The following ARAP3 variants were observed in gnomAD, a reference collection of about 807,000 sequenced individuals.
ARAP3 encodes arf-GAP with Rho-GAP domain, ANK repeat and PH domain-containing protein 3.
Under a neutral mutation model 169.2 loss-of-function variants are expected in ARAP3, and 82 were observed. The ratio of observed to expected loss-of-function variants is 0.48; its 90% CI spans 0.41 to 0.58. The LOEUF (loss-of-function observed/expected upper bound fraction) is 0.58, where lower values mean the gene tolerates loss of function less well. Among genes scored for constraint, ARAP3 ranks in the 20% least tolerant of loss-of-function variants. ARAP3 has a pLI of 0.00. For missense variants in ARAP3, 1,764 were observed against 2,018.0 expected (o/e 0.87, Z 2.41); for synonymous variants, 791 against 800.3 (o/e 0.99, Z 0.20).
Position 141,661,763 on chromosome 5 carries a change from C to A in ARAP3, c.3040G>T (p.Glu1014Ter). 1 of 1,614,206 alleles carries A rather than the reference C, an allele frequency of 6.2e-7. No homozygotes were observed. Among genetic ancestry groups the A allele is most frequent in the Non-Finnish European group, 8.5e-7 (1 of 1,180,042 alleles). ...CAGCCAATCACATCTTTATATTTCT[C>A]CAGGCGCTGATTCTTCTGGGGCAGC... ...AELPQKNQRL[E>*]KYKDVIGCLP... Residue 1014 changes from glutamate to a stop codon, truncating the protein, a stop_gained, in exon 21 of 33, where the codon GAG becomes TAG. Transcript: ENST00000239440. LOFTEE classifies it high-confidence loss of function.
chr5:141,670,078 G>T lies in ARAP3; in HGVS notation c.2108-15C>A, dbSNP rs1048208900. The T allele has an allele frequency of 1.9e-6, 3 of 1,582,894 alleles. No individual in the cohort carries two copies. Among genetic ancestry groups the T allele is most frequent in the Non-Finnish European group, 2.6e-6 (3 of 1,172,320 alleles). On this transcript the variant is annotated splice_polypyrimidine_tract_variant and intron_variant, in intron 14 of 32. Coordinates refer to ENST00000239440, the MANE Select transcript of ARAP3 (RefSeq NM_022481.6). Reference sequence around the variant, plus strand: ...GCGCGGGGGAGCTAAGGCAGAGGGAGATAGTCAGGGAGCAGCAGACCTCTG... The same window carrying T: ...GCGCGGGGGAGCTAAGGCAGAGGGATATAGTCAGGGAGCAGCAGACCTCTG...
In ARAP3 at chr5:141,655,683, G is replaced by A. The variant is rs2099909183; in HGVS notation, c.4048C>T (p.Pro1350Ser). 6.2e-7 allele frequency: 1 copy of A among 1,614,090 alleles called. No individual in the cohort carries two copies. Residue 1350 changes from proline to serine, a missense_variant, in exon 31 of 33, where the codon CCT (proline) becomes TCT (serine). Transcript: ENST00000239440. ...TCATCCCCACGGATAGGCAGCAAAG[G>A]CATAGTGCCAAACTTCTGACGGGCA... is the stretch of plus-strand genomic sequence containing the variant. ...DLARQKFGTM[P>S]LLPIRGDDSG...
At chr5:141,681,133 T>TTTG (rs1262997369) in intron 1 of ARAP3, among the ~76,000 whole-genome samples, 37 of 152,294 alleles carry the variant, frequency 2.4e-4, no homozygotes, top group Middle Eastern at 3.4e-3. Context: ...TCCTGCCTGC[T>TTTG]TTGGTCAGGC....
rs2099909216 is a variant in ARAP3 at position 141,655,952 on chromosome 5, A to G, written c.3909-20T>C. ...AAGTAGCTGGGGTGATCAGAATGGA[A>G]TCAGAGGGAGAGAGAGGGTCACAGC... On this transcript the variant is annotated intron_variant, in intron 29 of 32. Transcript: ENST00000239440. The G allele has an allele frequency of 6.2e-7, 1 of 1,613,950 alleles. No individual in the cohort carries two copies. The highest frequency in any genetic ancestry group is 2.2e-5 in the East Asian group (1 of 44,884).
At chr5:141,669,628 T>C in intron 16 of ARAP3, 81 bp downstream of exon 16, 1 of 1,331,688 alleles carries the variant, frequency 7.5e-7, no homozygotes, top group Non-Finnish European at 1.1e-6. Flanking sequence ...GAAGTGGCTG[T>C]AGGAATAAGA....
chr5:141,655,346 C>T lies in ARAP3; in HGVS notation c.4149+16G>A. The T allele has an allele frequency of 1.3e-6, 2 of 1,572,538 alleles. No homozygotes were observed. Among genetic ancestry groups the T allele is most frequent in the Non-Finnish European group, 1.7e-6 (2 of 1,158,542 alleles). On this transcript the variant is annotated intron_variant, in intron 32 of 32. Transcript: ENST00000239440. Reference sequence around the variant, plus strand: ...AGGGTTGACAGGCACACCGCTGGAGCAGGCACAATACTCACAAAGAACATG... The same window carrying T: ...AGGGTTGACAGGCACACCGCTGGAGTAGGCACAATACTCACAAAGAACATG...
intron 15 of ARAP3, 23 bp downstream of exon 15, chr5:141,669,899 A>G (rs751605685): frequency 3.1e-6 from 5 of 1,607,866 alleles, no homozygotes; most frequent in Non-Finnish European, 4.3e-6. Context: ...GGGGAAGCTC[A>G]GTGGTCACAG....
intron 25 of ARAP3, 80 bp downstream of exon 25, chr5:141,658,282 CATG>C: frequency 2.2e-6 from 3 of 1,361,828 alleles, no homozygotes; most frequent in Non-Finnish European, 3.1e-6. Context: ...TATTTGGTAA[CATG>C]AAGTCACTGA....
intron 32 of ARAP3, 102 bp downstream of exon 32, chr5:141,655,252 ACACACACC>A (rs1289253982): frequency 2.7e-5 from 32 of 1,170,628 alleles, no homozygotes; most frequent in African/African-American, 2.2e-4. Flanking sequence ...ACACACACAC[ACACACACC>A]CCCTGATGGC....
At chr5:141,670,085 A>T in intron 14 of ARAP3, 22 bp from the exon 15 acceptor site, 2 of 1,581,608 alleles carry the variant, frequency 1.3e-6, no homozygotes, top group Non-Finnish European at 1.7e-6. Context: ...GGAGATAGTC[A>T]GGGAGCAGCA....
intron 16 of ARAP3, 109 bp from the exon 17 acceptor site, chr5:141,666,752 G>T: frequency 2.0e-6 from 1 of 503,504 alleles, no homozygotes; most frequent in South Asian, 5.7e-5. Flanking sequence ...AAAACATGAA[G>T]AGAAAGCAGA....
intron 32 of ARAP3, among the ~76,000 whole-genome samples, 166 bp downstream of exon 32, chr5:141,655,182 TACACACACACACAC>T (rs3075597): frequency 1.2e-4 from 11 of 95,506 alleles, no homozygotes; most frequent in South Asian, 3.9e-4. Flanking sequence ...CCTGATGGCC[TACACACACACACAC>T]ACACACACAC....
In ARAP3 at chr5:141,656,195, G is replaced by A. The variant is rs2099909250; in HGVS notation, c.3871C>T (p.Pro1291Ser). 2 of 1,614,166 alleles carry A rather than the reference G, an allele frequency of 1.2e-6. No individual in the cohort carries two copies. Among genetic ancestry groups the A allele is most frequent in the Non-Finnish European group, 1.7e-6 (2 of 1,180,040 alleles). The change falls in exon 28 of 33, where the codon CCG (proline) becomes TCG (serine). Residue 1291 changes from proline to serine, a missense_variant and splice_region_variant. Pro to Ser is a moderately conservative substitution (Grantham distance 74). Transcript: ENST00000239440. ...TGCGGGCTGGGGAAGAAAACTCACG[G>A]TGTTGGGGGCTTTAACTTCTTGCGG... is the stretch of plus-strand genomic sequence containing the variant. ...GIRKKLKPPTPWGFTLILEKM... is the reference protein window; with the variant it reads ...GIRKKLKPPTSWGFTLILEKM...
chr5:141,673,555 A>G lies in ARAP3; in HGVS notation c.902+50T>C, dbSNP rs767025077. On this transcript the variant is annotated intron_variant, in intron 5 of 32. Coordinates refer to ENST00000239440, the MANE Select transcript of ARAP3 (RefSeq NM_022481.6). ...GGGTCTGGGGGCACTTTCCCGCGCA[A>G]CCACCTCCCAGCCTCTCTTTTCTCC... The G allele has an allele frequency of 7.4e-6, 12 of 1,612,048 alleles. No homozygotes were observed. The Admixed American group carries it at 1.0e-4, about 13-fold the overall frequency.
In ARAP3 at chr5:141,670,527, G is replaced by A. The variant is rs542529440; in HGVS notation, c.2092C>T (p.Arg698Cys). 10 of 1,613,870 alleles carry A rather than the reference G, an allele frequency of 6.2e-6. No individual in the cohort carries two copies. In the South Asian group the frequency reaches 8.8e-5, roughly 14 times the overall value. Residue 698 changes from arginine to cysteine, a missense_variant, in exon 14 of 33, where the codon CGC becomes TGC. Arg to Cys is a radical substitution (Grantham distance 180). Around this residue, in one of 3 missense-constraint regions of ARAP3, gnomAD observed 1,112 missense variants for 1,285.7 expected, o/e 0.86. Transcript: ENST00000239440. The stretch of plus-strand genomic sequence containing the variant: ...TCCCCCTCACCATCCCGGCCCCTGC[G>A]AGGGGGTGAGGGTCCAGCTTTGTTG... The part of the protein sequence containing the change: ...VSNKAGPSPP[R>C]RGRDAPPRLW...
At chr5:141,674,899 C>T (rs1179382110) in intron 4 of ARAP3, among the ~76,000 whole-genome samples, 22 of 152,214 alleles carry the variant, frequency 1.4e-4, no homozygotes, top group Admixed American at 1.4e-3. Context: ...CTTATTCTCC[C>T]ACAGGCACCA....
rs983783472 is a variant in ARAP3, at chr5:141,658,722, C to G, written c.3337-69G>C. ...CAAAAGACATCAAAGTCAGAGGGTT[C>G]CTCGTGTTGCCTCATAAGTGACTCT... On this transcript the variant is annotated intron_variant, in intron 23 of 32. Coordinates refer to ENST00000239440, the MANE Select transcript of ARAP3 (RefSeq NM_022481.6). The G allele has an allele frequency of 3.0e-6, 4 of 1,332,462 alleles. No homozygotes were observed. In the African/African-American group the frequency reaches 6.0e-5, roughly 20 times the overall value. The allele number at this position is 1,332,462 out of a possible 1,614,324, so 82.5% of individuals were successfully genotyped here. A position where few individuals can be genotyped will look rare whatever the true frequency, so the allele number is the denominator to read the frequency against.
intron 4 of ARAP3, among the ~76,000 whole-genome samples, chr5:141,676,701 C>T (rs1202469833): frequency 6.6e-6 from 1 of 152,118 alleles, no homozygotes; most frequent in Non-Finnish European, 1.5e-5. Context: ...CTCTTCTGTC[C>T]GTTTTGCAGA....
At chr5:141,667,876 T>C (rs961546503) in intron 16 of ARAP3, among the ~76,000 whole-genome samples, 2 of 151,028 alleles carry the variant, frequency 1.3e-5, no homozygotes, top group African/African-American at 4.8e-5. Context: ...ACCCCATCTC[T>C]ACCAAAAATA....
Sources: allele counts gnomAD v4.1 joint callset (sites outside exome capture counted in the v4.1 genomes callset), GRCh38; gene constraint gnomAD v4.1.1; regional missense constraint gnomAD v4.1.1; transcripts MANE v1.5; gene names NCBI Gene and HGNC (gene_info 2026-07-23, HGNC 2026-07-21).